Variants in SPTY2D1 observed in about 807,000 individuals in gnomAD.
SPTY2D1 encodes the protein protein SPT2 homolog.
In SPTY2D1, 21 loss-of-function variants were observed where a neutral mutation model predicts 64.0. The observed-to-expected ratio is 0.33, with a 90% CI of 0.23 to 0.47. The LOEUF (loss-of-function observed/expected upper bound fraction) is 0.47. Among genes scored for constraint, SPTY2D1 ranks in the 20% least tolerant of loss-of-function variants. The pLI, the probability that SPTY2D1 is intolerant of heterozygous loss-of-function variation, is 1.00. For missense variants in SPTY2D1, 724 were observed against 837.2 expected, an observed-to-expected ratio of 0.86 and a Z score of 1.67; for synonymous variants, 287 against 286.8, an observed-to-expected ratio of 1.00 and a Z score of -0.01.
intron 1 of SPTY2D1, among the ~76,000 whole-genome samples, chr11:18,631,538 CAG>C (rs766713722): frequency 7.2e-5 from 10 of 138,038 alleles, no homozygotes; most frequent in Non-Finnish European, 1.4e-4. Context: ...GCCTGGGCAA[CAG>C]AGACTCCATC....
At chr11:18,627,091 G>C (rs757176666) in intron 1 of SPTY2D1, among the ~76,000 whole-genome samples, 5 of 151,706 alleles carry the variant, frequency 3.3e-5, no homozygotes, top group Non-Finnish European at 7.4e-5. Flanking sequence ...TTATTTTTTT[G>C]TACCAGGCTC....
rs1054461972 is a variant in SPTY2D1 at position 18,607,470 on chromosome 11, C to T, written c.*2391G>A. 4.6e-5 allele frequency: 7 copies of T among 152,544 alleles called. No homozygotes were observed. The highest frequency in any genetic ancestry group is 7.4e-5 in the Non-Finnish European group (5 of 68,024). 9.4% of individuals were successfully genotyped at this position (152,544 alleles called of 1,614,324 possible). A position where few individuals can be genotyped will look rare whatever the true frequency, so the allele number is the denominator to read the frequency against. On this transcript the variant is annotated 3_prime_UTR_variant, in exon 6 of 6. Coordinates refer to ENST00000336349, the MANE Select transcript of SPTY2D1 (RefSeq NM_194285.3). Reference sequence around the variant, plus strand: ...TACAATCATGAAATATTACTACATTCGTGATTAACATTACCCAAAAGGCAC... The same window carrying T: ...TACAATCATGAAATATTACTACATTTGTGATTAACATTACCCAAAAGGCAC...
intron 1 of SPTY2D1, among the ~76,000 whole-genome samples, chr11:18,629,002 T>C (rs1280261545): frequency 6.6e-6 from 1 of 152,204 alleles, no homozygotes; most frequent in Non-Finnish European, 1.5e-5. Context: ...TTACTTTCAC[T>C]ACCTATGGTT....
At chr11:18,629,092 G>C (rs1021872032) in intron 1 of SPTY2D1, among the ~76,000 whole-genome samples, 1 of 152,088 alleles carries the variant, frequency 6.6e-6, no homozygotes, top group African/African-American at 2.4e-5. Flanking sequence ...TTTACCTTTC[G>C]GTTTGTGGCA....
intron 1 of SPTY2D1, among the ~76,000 whole-genome samples, chr11:18,625,813 C>CTCTTT (rs1565162220): frequency 1.5e-5 from 2 of 133,276 alleles, no homozygotes; most frequent in African/African-American, 7.2e-5. Flanking sequence ...AACTCCAACA[C>CTCTTT]TTTCTTTTTT....
chr11:18,620,240 C>G (rs971083751), intron 1 of SPTY2D1, among the ~76,000 whole-genome samples: 2 of 152,078 alleles, frequency 1.3e-5, no homozygotes, highest in African/African-American at 4.8e-5. Flanking sequence ...TTTGGGAGGA[C>G]AAGGCGGGCA....
At chr11:18,629,385 T>A (rs1854549817) in intron 1 of SPTY2D1, among the ~76,000 whole-genome samples, 1 of 151,984 alleles carries the variant, frequency 6.6e-6, no homozygotes, top group Non-Finnish European at 1.5e-5. Context: ...GCGGCTGCAG[T>A]CCCAGCTACT....
intron 1 of SPTY2D1, among the ~76,000 whole-genome samples, chr11:18,618,035 C>T (rs1854330242): frequency 6.6e-6 from 1 of 152,138 alleles, no homozygotes; most frequent in African/African-American, 2.4e-5. Context: ...ATTTCAAAGT[C>T]CAACTTTTCA....
At chr11:18,620,154 C>G (rs564835442) in intron 1 of SPTY2D1, among the ~76,000 whole-genome samples, 173 of 152,270 alleles carry the variant, frequency 1.1e-3, no homozygotes, top group African/African-American at 3.8e-3. Context: ...GTATACTACC[C>G]CTACCATTAC....
chr11:18,621,078 T>G (rs1590403255), intron 1 of SPTY2D1, among the ~76,000 whole-genome samples: 2 of 150,876 alleles, frequency 1.3e-5, no homozygotes, highest in African/African-American at 4.9e-5. Context: ...CTGAAGCGGG[T>G]GGATCACCTG....
rs1261599886 is a variant in SPTY2D1 at position 18,612,332 on chromosome 11, A to G, written c.1868T>C (p.Phe623Ser). 6.3e-7 allele frequency: 1 copy of G among 1,597,448 alleles called. No homozygotes were observed. Among genetic ancestry groups the G allele is most frequent in the East Asian group, 2.2e-5 (1 of 44,606 alleles). ...GTCTTACTTTTTTCGGTCATAACCA[A>G]AGATTTCTCTAATGTGCTTGGATAT... Reference protein sequence around the residue: ...EEISKHIREIFGYDRKKYKDE... With the variant: ...EEISKHIREISGYDRKKYKDE... The change falls in exon 4 of 6, where the codon TTT becomes TCT. Residue 623 changes from phenylalanine (F) to serine (S), a missense_variant. Coordinates refer to ENST00000336349, the MANE Select transcript of SPTY2D1 (RefSeq NM_194285.3). The surrounding 1 kb of genome is among the most constrained non-coding windows in gnomAD (Gnocchi z 4.6).
Position 18,627,270 on chromosome 11 carries a change from A to AT in SPTY2D1, c.60+6927_60+6928insA, listed in dbSNP as rs886167627. Among the ~76,000 whole-genome samples the AT allele has an allele frequency of 4.0e-5, 6 of 150,730 alleles. 1 individual carries two copies. Among genetic ancestry groups the AT allele is most frequent in the African/African-American group, 1.5e-4 (6 of 41,010 alleles). ...TCTACTAAAAATACAAAAAAAAAAAAAAAAAAAAATTAGCCAGGCGTGGTG... is the reference window on the plus strand; with the variant it reads ...TCTACTAAAAATACAAAAAAAAAAAATAAAAAAAAATTAGCCAGGCGTGGTG... On this transcript the variant is annotated intron_variant, in intron 1 of 5. Transcript: ENST00000336349.
In SPTY2D1 at chr11:18,607,092, G is replaced by GTCTC. The variant is rs1353500562; in HGVS notation, c.*2765_*2768dup. The GTCTC allele has an allele frequency of 5.0e-6, 1 of 198,442 alleles. No homozygotes were observed. The allele number at this position is 198,442 out of a possible 1,614,324, so 12.3% of individuals were successfully genotyped here. ...TGGCCAGGCTGGTCTCGAACTCCTG[G>GTCTC]TCTCAAGTGATCCGCCCGCCTCGGC... On this transcript the variant is annotated 3_prime_UTR_variant, in exon 6 of 6. Coordinates refer to ENST00000336349, the MANE Select transcript of SPTY2D1 (RefSeq NM_194285.3).
intron 1 of SPTY2D1, among the ~76,000 whole-genome samples, chr11:18,618,876 G>C (rs1590402399): frequency 1.3e-5 from 2 of 152,178 alleles, no homozygotes; most frequent in African/African-American, 4.8e-5. Flanking sequence ...TGAAAATCTT[G>C]CATGATAGCA....
intron 1 of SPTY2D1, among the ~76,000 whole-genome samples, chr11:18,622,743 G>A (rs149937158): frequency 0.049 from 7,401 of 152,070 alleles, 590 homozygotes; most frequent in African/African-American, 0.17. Context: ...CCTGAGGTCA[G>A]GAGTTCGAGA....
In SPTY2D1 at chr11:18,615,992, A is replaced by G. The variant is rs1660403358; in HGVS notation, c.282T>C (p.His94=). ...AMAKRTKDNF[H]GYNGIPIEEK... is the part of the protein sequence containing the mutation. ...CCTCAATAGGAATCCCATTGTAACC[A>G]TGGAAATTATCCTTTGTCCTCTTGG... The change falls in exon 3 of 6, where the codon CAT becomes CAC. Residue 94 remains histidine, a synonymous_variant. Transcript: ENST00000336349. 2 of 1,614,036 alleles carry G rather than the reference A, an allele frequency of 1.2e-6. No individual in the cohort carries two copies. The highest frequency in any genetic ancestry group is 2.7e-5 in the African/African-American group (2 of 74,988).
chr11:18,610,686 A>AAAAAAAAC (rs1554987436), intron 5 of SPTY2D1, among the ~76,000 whole-genome samples: 7 of 147,182 alleles, frequency 4.8e-5, no homozygotes, highest in Non-Finnish European at 7.5e-5. Flanking sequence ...AAAAAAAAAA[A>AAAAAAAAC]AACAACAATA....
intron 1 of SPTY2D1, among the ~76,000 whole-genome samples, chr11:18,626,365 C>T (rs1431907337): frequency 6.6e-6 from 1 of 151,974 alleles, no homozygotes; most frequent in Non-Finnish European, 1.5e-5. Context: ...TCAGCCTTTA[C>T]ATTTGTCTCC....
rs1430156622 is a variant in SPTY2D1, at chr11:18,607,746, T to TAGA, written c.*2114_*2115insTCT. The TAGA allele has an allele frequency of 6.6e-6, 1 of 152,232 alleles. No individual in the cohort carries two copies. The highest frequency in any genetic ancestry group is 1.5e-5 in the Non-Finnish European group (1 of 68,044). 9.4% of individuals were successfully genotyped at this position (152,232 alleles called of 1,614,324 possible). A position where few individuals can be genotyped will look rare whatever the true frequency, so the allele number is the denominator to read the frequency against. ...TAAATGAGCCACAGAAGTGCTCTTTTATAATGTTGACGCAAATCAACATTT... is the reference window on the plus strand; with the variant it reads ...TAAATGAGCCACAGAAGTGCTCTTTTAGAATAATGTTGACGCAAATCAACATTT... On this transcript the variant is annotated 3_prime_UTR_variant, in exon 6 of 6. Coordinates refer to ENST00000336349, the MANE Select transcript of SPTY2D1 (RefSeq NM_194285.3).
Sources: gnomAD v4.1 joint callset for allele counts (sites outside exome capture counted in the v4.1 genomes callset) on GRCh38, gnomAD v4.1.1 for gene constraint, Gnocchi (gnomAD v3.1) non-coding constraint, MANE v1.5 for transcripts, NCBI Gene and HGNC (gene_info 2026-07-23, HGNC 2026-07-21) for gene names.